GPR39: variants seen among roughly 807,000 people sequenced by gnomAD.
GPR39 encodes G protein-coupled receptor 39.
Under a neutral mutation model 18.4 loss-of-function variants are expected in GPR39, and 23 were observed. That is an observed-to-expected ratio of 1.25 (90% CI 0.90 to 1.77). The LOEUF (loss-of-function observed/expected upper bound fraction) is 1.77. GPR39 is among the 40% of genes most tolerant of loss of function. The pLI, the probability that GPR39 is intolerant of heterozygous loss-of-function variation, is 0.00. For missense variants in GPR39, 647 were observed against 602.4 expected (o/e 1.07, Z -0.78); for synonymous variants, 280 against 257.9 (o/e 1.09, Z -0.82).
intron 1 of GPR39, among the ~76,000 whole-genome samples, chr2:132,630,349 A>C (rs543016763): frequency 6.6e-6 from 1 of 152,192 alleles, no homozygotes; most frequent in Non-Finnish European, 1.5e-5. Flanking sequence ...ACAGTTAACA[A>C]GGAGAGAAGA....
intron 1 of GPR39, among the ~76,000 whole-genome samples, chr2:132,643,720 A>G (rs549128665): frequency 1.4e-4 from 21 of 152,210 alleles, no homozygotes; most frequent in South Asian, 1.0e-3. Context: ...GGGTCTTGCT[A>G]TGTTGCCTAG....
intron 1 of GPR39, among the ~76,000 whole-genome samples, chr2:132,569,779 G>T (rs1311286345): frequency 6.6e-6 from 1 of 151,736 alleles, no homozygotes; most frequent in Non-Finnish European, 1.5e-5. Context: ...TTGAATCATG[G>T]GGTCAGGTCT....
intron 1 of GPR39, among the ~76,000 whole-genome samples, chr2:132,440,783 GA>G (rs548923885): frequency 6.6e-6 from 1 of 152,088 alleles, no homozygotes; most frequent in Non-Finnish European, 1.5e-5. Flanking sequence ...AAATTGTCAT[GA>G]AAAAAAGTCA....
chr2:132,545,730 A>G (rs925282634), intron 1 of GPR39, among the ~76,000 whole-genome samples: 1 of 151,992 alleles, frequency 6.6e-6, no homozygotes, highest in African/African-American at 2.4e-5. Flanking sequence ...TCAATGCACC[A>G]AAGAATCAAC....
intron 1 of GPR39, among the ~76,000 whole-genome samples, chr2:132,529,986 G>T (rs1679583742): frequency 6.6e-6 from 1 of 152,142 alleles, no homozygotes; most frequent in South Asian, 2.1e-4. Flanking sequence ...ACCAGCAATG[G>T]AACAAAGCTG....
intron 1 of GPR39, among the ~76,000 whole-genome samples, chr2:132,590,070 TCAAA>T (rs1680801567): frequency 6.6e-6 from 1 of 152,224 alleles, no homozygotes; most frequent in Admixed American, 6.5e-5. Flanking sequence ...GAATTAAACT[TCAAA>T]CAGTTTATCA....
intron 1 of GPR39, among the ~76,000 whole-genome samples, chr2:132,501,039 T>C (rs1679019778): frequency 6.9e-6 from 1 of 144,590 alleles, no homozygotes; most frequent in African/African-American, 2.5e-5. Flanking sequence ...AGTTTTTGTT[T>C]CATTTATCTT....
At position 132,646,028 on chromosome 2, in the gene GPR39, T is replaced by C. The variant is rs948564895; in HGVS notation, c.*422T>C. 2 of 1,504,742 alleles carry C rather than the reference T, an allele frequency of 1.3e-6. No individual in the cohort carries two copies. Among genetic ancestry groups the C allele is most frequent in the Non-Finnish European group, 8.9e-7 (1 of 1,118,152 alleles). The allele number at this position is 1,504,742 out of a possible 1,614,324, so 93.2% of individuals were successfully genotyped here. A position where few individuals can be genotyped will look rare whatever the true frequency, so the allele number is the denominator to read the frequency against. On this transcript the variant is annotated 3_prime_UTR_variant, in exon 2 of 2. Transcript: ENST00000329321. ...GCTGGAAGAACAATGCAGGAGGGGGTGGCATCTCCTTCAGCTTCAGCAGTG... is the reference window on the plus strand; with the variant it reads ...GCTGGAAGAACAATGCAGGAGGGGGCGGCATCTCCTTCAGCTTCAGCAGTG...
intron 1 of GPR39, among the ~76,000 whole-genome samples, chr2:132,504,809 GT>G (rs1356751997): frequency 6.6e-6 from 1 of 152,136 alleles, no homozygotes; most frequent in African/African-American, 2.4e-5. Context: ...GAATTCATTT[GT>G]TGAAATATTT....
intron 1 of GPR39, among the ~76,000 whole-genome samples, chr2:132,475,161 G>A (rs1360113610): frequency 6.6e-6 from 1 of 151,972 alleles, no homozygotes; most frequent in Non-Finnish European, 1.5e-5. Context: ...CAAGTCTCAG[G>A]TTAATGTTCT....
chr2:132,641,575 T>A (rs1406154856), intron 1 of GPR39, among the ~76,000 whole-genome samples: 1 of 152,178 alleles, frequency 6.6e-6, no homozygotes, highest in Non-Finnish European at 1.5e-5. Flanking sequence ...CTATACTGGG[T>A]TTCAATGACT....
At chr2:132,426,381 G>T (rs912899743) in intron 1 of GPR39, among the ~76,000 whole-genome samples, 1 of 152,210 alleles carries the variant, frequency 6.6e-6, no homozygotes, top group Non-Finnish European at 1.5e-5. Flanking sequence ...AAACAGTATT[G>T]AATTGATCTT....
chr2:132,627,609 G>A (rs1681575622), intron 1 of GPR39, among the ~76,000 whole-genome samples: 1 of 152,178 alleles, frequency 6.6e-6, no homozygotes, highest in Admixed American at 6.5e-5. Flanking sequence ...GCTCCTTAGA[G>A]TTGCATGCTA....
rs578248181 is a variant in GPR39, at chr2:132,600,228, A to G, written c.857-44873A>G. Reference sequence around the variant, plus strand: ...TGAAAATAGAAACACAATATACAAAACCTATGGGATACTGCAAAAACAGTG... The same window carrying G: ...TGAAAATAGAAACACAATATACAAAGCCTATGGGATACTGCAAAAACAGTG... On this transcript the variant is annotated intron_variant, in intron 1 of 1. Transcript: ENST00000329321. Among the ~76,000 whole-genome samples the G allele has an allele frequency of 5.3e-5, 8 of 152,310 alleles. No individual in the cohort carries two copies. In the South Asian group the frequency reaches 1.7e-3, roughly 32 times the overall value.
At chr2:132,560,895 T>G (rs567533590) in intron 1 of GPR39, among the ~76,000 whole-genome samples, 6 of 151,304 alleles carry the variant, frequency 4.0e-5, no homozygotes, top group South Asian at 4.2e-4. Flanking sequence ...ATTTTGTTTT[T>G]TTTTGTTTTG....
intron 1 of GPR39, among the ~76,000 whole-genome samples, chr2:132,507,550 G>T (rs1679156813): frequency 6.6e-6 from 1 of 152,158 alleles, no homozygotes; most frequent in Admixed American, 6.5e-5. Flanking sequence ...CAAGACTAGG[G>T]TTTGAACCTC....
intron 1 of GPR39, among the ~76,000 whole-genome samples, chr2:132,581,527 T>G (rs1448656220): frequency 6.6e-6 from 1 of 152,294 alleles, no homozygotes; most frequent in East Asian, 1.9e-4. Context: ...CCTACATTTC[T>G]CTATTGCTCT....
Position 132,521,661 on chromosome 2 carries a change from G to A in GPR39, c.856+103763G>A, listed in dbSNP as rs1055795267. On this transcript the variant is annotated intron_variant, in intron 1 of 1. Transcript: ENST00000329321. ...GCATACAACCAATTTCACCAGACTGGCTGCCTCTCCTCCATCTCCGGGATC... is the reference window on the plus strand; with the variant it reads ...GCATACAACCAATTTCACCAGACTGACTGCCTCTCCTCCATCTCCGGGATC... Among the ~76,000 whole-genome samples the A allele has an allele frequency of 1.1e-4, 16 of 151,436 alleles. 1 individual carries two copies. Among genetic ancestry groups the A allele is most frequent in the Admixed American group, 4.0e-4 (6 of 15,180 alleles).
intron 1 of GPR39, among the ~76,000 whole-genome samples, chr2:132,629,059 G>A (rs1681603273): frequency 1.3e-5 from 2 of 152,170 alleles, no homozygotes; most frequent in Non-Finnish European, 2.9e-5. Context: ...GAGGATACTT[G>A]AGCTGGTAGC....
Sources: gnomAD v4.1 joint callset for allele counts (sites outside exome capture counted in the v4.1 genomes callset) on GRCh38, gnomAD v4.1.1 for gene constraint, MANE v1.5 for transcripts, NCBI Gene and HGNC (gene_info 2026-07-23, HGNC 2026-07-21) for gene names.